Variants in PIK3CB observed in about 807,000 individuals in gnomAD.
PIK3CB encodes phosphatidylinositol 4,5-bisphosphate 3-kinase catalytic subunit beta isoform.
PIK3CB carries 39 observed loss-of-function variants against 136.8 expected under a neutral mutation model. The observed-to-expected ratio is 0.29, with a 90% confidence interval of 0.22 to 0.37. PIK3CB has a LOEUF of 0.37. Ranked by LOEUF, PIK3CB falls within the 10% of genes least tolerant of loss-of-function variation. PIK3CB has a pLI of 1.00. For synonymous variants in PIK3CB, 428 were observed against 436.6 expected, an observed-to-expected ratio of 0.98 and a Z score of 0.25; for missense variants, 868 against 1,275.4, an observed-to-expected ratio of 0.68 and a Z score of 4.87.
Position 138,726,870 on chromosome 3 carries a change from C to T in PIK3CB, c.1050+6491G>A, listed in dbSNP as rs565823147. On this transcript the variant is annotated intron_variant, in intron 8 of 23. Transcript: ENST00000674063. ...CAACCTGGACAACACAGTGAAATCT[C>T]GTCTCTATAAAAAGTCAAAAAAAAA... Among the ~76,000 whole-genome samples, 10 of 142,104 alleles carry T rather than the reference C, an allele frequency of 7.0e-5. No homozygotes were observed. In the South Asian group the frequency reaches 2.4e-3, roughly 34 times the overall value. The allele number at this position is 142,104 out of a possible 152,430, so 93.2% of individuals were successfully genotyped here.
chr3:138,657,591 TC>T, intron 22 of PIK3CB, 98 bp downstream of exon 22: 1 of 1,061,424 alleles, frequency 9.4e-7, no homozygotes, highest in Non-Finnish European at 1.4e-6. Flanking sequence ...ACTGAATATC[TC>T]CCAGATCCAA....
Position 138,708,405 on chromosome 3 carries a change from C to T in PIK3CB, c.1400-1116G>A, listed in dbSNP as rs943573904. 3.3e-5 allele frequency among the ~76,000 whole-genome samples: 5 copies of T among 151,502 alleles called. No individual in the cohort carries two copies. In the South Asian group the frequency reaches 6.3e-4, roughly 19 times the overall value. ...CCTCCTGAGTAGCTGGGACCACAGG[C>T]GCATGCCACCATGCCCAGCTAATTT... is the stretch of plus-strand genomic sequence containing the variant. On this transcript the variant is annotated intron_variant, in intron 10 of 23. Coordinates refer to ENST00000674063, the MANE Select transcript of PIK3CB (RefSeq NM_006219.3).
intron 1 of PIK3CB, chr3:138,825,832 A>C (rs566572329): frequency 8.5e-7 from 1 of 1,175,532 alleles, no homozygotes; most frequent in East Asian, 2.3e-5. Flanking sequence ...TGCACCATGA[A>C]GCTTTGGGTG....
rs1241461773 is a variant in PIK3CB, at chr3:138,657,769, G to A, written c.2863C>T (p.Arg955Ter). 1 of 1,608,634 alleles carries A rather than the reference G, an allele frequency of 6.2e-7. No individual in the cohort carries two copies. Among genetic ancestry groups the A allele is most frequent in the Non-Finnish European group, 8.5e-7 (1 of 1,175,482 alleles). ...FKSKFGIKRE[R>*]VPFILTYDFI... ...TCATAGGTAAGAATAAAAGGCACTCGCTCCCTTTTAATGCCAAACTTAGAT... is the reference window on the plus strand; with the variant it reads ...TCATAGGTAAGAATAAAAGGCACTCACTCCCTTTTAATGCCAAACTTAGAT... The change falls in exon 22 of 24, where the codon CGA becomes TGA. Residue 955 changes from arginine to a stop codon, truncating the protein, a stop_gained. Coordinates refer to ENST00000674063, the MANE Select transcript of PIK3CB (RefSeq NM_006219.3). LOFTEE classifies it high-confidence loss of function.
Position 138,699,114 on chromosome 3 carries a change from C to A in PIK3CB, c.1582-19G>T, listed in dbSNP as rs747781214. On this transcript the variant is annotated intron_variant, in intron 12 of 23. Transcript: ENST00000674063. ...CTCGACTCTAAAAAAGTAAAATGCT[C>A]ATTATAGAATTTAATTGTGCAAACA... The A allele has an allele frequency of 1.4e-6, 2 of 1,425,222 alleles. No homozygotes were observed. The highest frequency in any genetic ancestry group is 1.4e-5 in the South Asian group (1 of 71,314). 88.3% of individuals were successfully genotyped at this position (1,425,222 alleles called of 1,614,324 possible).
At chr3:138,733,531 T>C (rs2045035062) in intron 7 of PIK3CB, 93 bp from the exon 8 acceptor site, 1 of 614,544 alleles carries the variant, frequency 1.6e-6, no homozygotes, top group African/African-American at 1.9e-5. Flanking sequence ...TAATGTCTAT[T>C]GGCAAAACTA....
chr3:138,660,281 T>G (rs1158046730), intron 21 of PIK3CB, among the ~76,000 whole-genome samples: 2 of 152,200 alleles, frequency 1.3e-5, no homozygotes, highest in Non-Finnish European at 2.9e-5. Context: ...CCACAAAATA[T>G]TTACACTATT....
intron 14 of PIK3CB, 28 bp from the exon 15 acceptor site, chr3:138,691,171 A>T (rs2108506572): frequency 6.3e-7 from 1 of 1,598,354 alleles, no homozygotes. Flanking sequence ...CACAGTGAGT[A>T]ACCAAACAAC....
At chr3:138,732,758 T>C (rs767710023) in intron 8 of PIK3CB, among the ~76,000 whole-genome samples, 48 of 149,388 alleles carry the variant, frequency 3.2e-4, no homozygotes, top group Non-Finnish European at 5.9e-4. Flanking sequence ...AGGGGTTCAG[T>C]GCAGCTCTAG....
At chr3:138,824,059 G>C (rs2108909909) in intron 1 of PIK3CB, among the ~76,000 whole-genome samples, 1 of 152,234 alleles carries the variant, frequency 6.6e-6, no homozygotes, top group South Asian at 2.1e-4. Flanking sequence ...CTAAGTGGCA[G>C]GAGAAGAAGA....
chr3:138,726,207 T>C (rs905100639), intron 8 of PIK3CB, among the ~76,000 whole-genome samples: 2 of 152,252 alleles, frequency 1.3e-5, no homozygotes, highest in South Asian at 2.1e-4. Context: ...GATCCTCATA[T>C]GCACAGCTCA....
At chr3:138,784,425 T>C (rs1036492971) in intron 2 of PIK3CB, among the ~76,000 whole-genome samples, 10 of 150,836 alleles carry the variant, frequency 6.6e-5, no homozygotes, top group Admixed American at 4.6e-4. Flanking sequence ...CCTCCCCCTC[T>C]CCCTCTCGTC....
chr3:138,688,423 C>G (rs1381781719), intron 16 of PIK3CB, among the ~76,000 whole-genome samples: 1 of 149,812 alleles, frequency 6.7e-6, no homozygotes, highest in East Asian at 2.0e-4. Context: ...ATCGCTTGAA[C>G]CCGGGAGGCG....
intron 2 of PIK3CB, among the ~76,000 whole-genome samples, chr3:138,772,295 C>T (rs974961715): frequency 6.6e-6 from 1 of 152,056 alleles, no homozygotes; most frequent in East Asian, 1.9e-4. Flanking sequence ...TCAAAAGTAA[C>T]TATAAAATAA....
intron 3 of PIK3CB, among the ~76,000 whole-genome samples, chr3:138,756,850 A>C (rs2108726145): frequency 6.6e-6 from 1 of 152,322 alleles, no homozygotes; most frequent in African/African-American, 2.4e-5. Flanking sequence ...ACCAAAACTT[A>C]AAACTTCTGT....
chr3:138,828,340 C>T (rs1379957914), intron 1 of PIK3CB, among the ~76,000 whole-genome samples: 1 of 151,646 alleles, frequency 6.6e-6, no homozygotes. Flanking sequence ...CGCCCGCCAC[C>T]ACGCCCGGCT....
chr3:138,809,040 G>A (rs1394802292), intron 1 of PIK3CB, among the ~76,000 whole-genome samples: 4 of 151,464 alleles, frequency 2.6e-5, no homozygotes, highest in Non-Finnish European at 4.4e-5. Flanking sequence ...AATCTCAGCC[G>A]AGGCGGGTGG....
In PIK3CB at chr3:138,722,501, TG is replaced by T. The variant is rs2044749718; in HGVS notation, c.1051-7783del. On this transcript the variant is annotated intron_variant, in intron 8 of 23. Transcript: ENST00000674063. Reference sequence around the variant, plus strand: ...AATTTTACAAATGATTATTTTTCAGTGTTCTGGTGATAAAGACATTGAGAAA... The same window carrying T: ...AATTTTACAAATGATTATTTTTCAGTTTCTGGTGATAAAGACATTGAGAAA... 2.0e-5 allele frequency among the ~76,000 whole-genome samples: 3 copies of T among 152,194 alleles called. No homozygotes were observed. In the East Asian group the frequency reaches 5.8e-4, roughly 29 times the overall value.
At chr3:138,742,832 G>T (rs1210929615) in intron 4 of PIK3CB, 51 bp from the exon 5 acceptor site, 2 of 996,232 alleles carry the variant, frequency 2.0e-6, no homozygotes, top group Non-Finnish European at 1.5e-6. Flanking sequence ...AATAATAAAA[G>T]AATATAGAAA....
Sources: allele counts gnomAD v4.1 joint callset (sites outside exome capture counted in the v4.1 genomes callset), GRCh38; gene constraint gnomAD v4.1.1; transcripts MANE v1.5; gene names NCBI Gene and HGNC (gene_info 2026-07-23, HGNC 2026-07-21).